Variants in DENND5A observed in about 807,000 individuals in gnomAD.
The protein encoded by DENND5A is DENN domain containing 5A, also known as DENN domain-containing protein 5A.
DENND5A carries 64 observed loss-of-function variants against 140.3 expected under a neutral mutation model. The observed-to-expected ratio is 0.46, with a 90% CI of 0.37 to 0.56. The LOEUF (loss-of-function observed/expected upper bound fraction) is 0.56, where lower values mean the gene tolerates loss of function less well. Ranked by LOEUF, DENND5A falls within the 20% of genes least tolerant of loss-of-function variation. DENND5A has a pLI of 0.00. For synonymous variants in DENND5A, 605 were observed against 607.7 expected (o/e 1.00, Z 0.07); for missense variants, 1,292 against 1,593.8 (o/e 0.81, Z 3.22).
At chr11:9,223,665 G>A (rs1850411023) in intron 1 of DENND5A, among the ~76,000 whole-genome samples, 1 of 152,182 alleles carries the variant, frequency 6.6e-6, no homozygotes, top group African/African-American at 2.4e-5. Flanking sequence ...GCTACGGTGA[G>A]CTATGATCAC....
intron 12 of DENND5A, among the ~76,000 whole-genome samples, chr11:9,154,162 T>C (rs1847726367): frequency 6.6e-6 from 1 of 152,226 alleles, no homozygotes; most frequent in African/African-American, 2.4e-5. Flanking sequence ...CTATGTCAGA[T>C]GTTCAAAATA....
At chr11:9,238,531 AT>A (rs143989804) in intron 1 of DENND5A, among the ~76,000 whole-genome samples, 3,300 of 150,972 alleles carry the variant, frequency 0.022, 114 homozygotes, top group African/African-American at 0.072. Context: ...ATTCTCCTGC[AT>A]CAGCTTCCCG....
intron 10 of DENND5A, among the ~76,000 whole-genome samples, chr11:9,168,573 G>A (rs1848265135): frequency 1.3e-5 from 2 of 152,160 alleles, no homozygotes; most frequent in South Asian, 4.1e-4. Context: ...GAGGAGGTTA[G>A]GTGGAAGACA....
intron 1 of DENND5A, among the ~76,000 whole-genome samples, chr11:9,212,627 G>A (rs1463115893): frequency 6.7e-6 from 1 of 150,026 alleles, no homozygotes; most frequent in Non-Finnish European, 1.5e-5. Flanking sequence ...AACAACACAA[G>A]TACTGAAAAA....
intron 16 of DENND5A, 139 bp downstream of exon 16, chr11:9,146,891 C>G: frequency 1.0e-6 from 1 of 977,424 alleles, no homozygotes; most frequent in South Asian, 1.6e-5. Flanking sequence ...AAGTGCACCT[C>G]TCTCCCCACA....
At chr11:9,142,877 T>C in intron 20 of DENND5A, 32 bp from the exon 21 acceptor site, 1 of 1,610,350 alleles carries the variant, frequency 6.2e-7, no homozygotes, top group Non-Finnish European at 8.5e-7. Flanking sequence ...GGTGCCAGGC[T>C]TGTCTCAGCC....
At chr11:9,209,922 A>G (rs1849818460) in intron 1 of DENND5A, among the ~76,000 whole-genome samples, 1 of 152,154 alleles carries the variant, frequency 6.6e-6, no homozygotes, top group African/African-American at 2.4e-5. Context: ...CCTGGCCAAC[A>G]TGGTGAAACC....
At chr11:9,227,969 C>T (rs192870274) in intron 1 of DENND5A, among the ~76,000 whole-genome samples, 64 of 151,620 alleles carry the variant, frequency 4.2e-4, no homozygotes, top group African/African-American at 1.4e-3. Context: ...AAAAATTAGC[C>T]GGGCATGGTG....
At chr11:9,197,232 G>C (rs1217799204) in intron 4 of DENND5A, among the ~76,000 whole-genome samples, 1 of 151,658 alleles carries the variant, frequency 6.6e-6, no homozygotes, top group Admixed American at 6.6e-5. Flanking sequence ...TTGAACCCGG[G>C]AGGCAGAGGT....
chr11:9,256,118 C>T (rs1404996230), intron 1 of DENND5A, among the ~76,000 whole-genome samples: 3 of 151,332 alleles, frequency 2.0e-5, no homozygotes, highest in Non-Finnish European at 4.4e-5. Flanking sequence ...CATAGGCCTA[C>T]ACACAAAAAA....
chr11:9,231,495 C>T (rs991202851), intron 1 of DENND5A, among the ~76,000 whole-genome samples: 4 of 152,042 alleles, frequency 2.6e-5, no homozygotes, highest in Non-Finnish European at 5.9e-5. Context: ...GCAGGCAGAT[C>T]ACCTGAGGTC....
At chr11:9,201,633 T>C (rs766830867) in intron 4 of DENND5A, among the ~76,000 whole-genome samples, 1 of 152,018 alleles carries the variant, frequency 6.6e-6, no homozygotes, top group Non-Finnish European at 1.5e-5. Flanking sequence ...AGGCACCACT[T>C]AACTCCAACC....
At chr11:9,162,420 G>A (rs1848018440) in intron 11 of DENND5A, among the ~76,000 whole-genome samples, 1 of 151,254 alleles carries the variant, frequency 6.6e-6, no homozygotes, top group South Asian at 2.1e-4. Context: ...TGTATTTTTA[G>A]TAGAGATGGG....
At chr11:9,174,246 A>T (rs927111615) in intron 8 of DENND5A, among the ~76,000 whole-genome samples, 2 of 151,998 alleles carry the variant, frequency 1.3e-5, no homozygotes, top group Admixed American at 6.6e-5. Flanking sequence ...GCTTAAACCC[A>T]GCAATATCAA....
chr11:9,226,196 T>C (rs7943406), intron 1 of DENND5A, among the ~76,000 whole-genome samples: 6,087 of 152,312 alleles, frequency 0.04, 400 homozygotes, highest in African/African-American at 0.14. Context: ...GACTGGAACA[T>C]GTCATGCTGT....
Position 9,204,111 on chromosome 11 carries a change from A to G in DENND5A, c.498T>C (p.Ala166=), listed in dbSNP as rs762178394. Residue 166 remains alanine (A), a synonymous_variant, in exon 4 of 23, where the codon GCT becomes GCC. Coordinates refer to ENST00000328194, the MANE Select transcript of DENND5A (RefSeq NM_015213.4). ...TCTGGTCTCTGTCATCAGCAGGGGG[A>G]GCATGTAGGACATCATACTCAGCAT... is the stretch of plus-strand genomic sequence containing the variant. The part of the protein sequence containing the change: ...MHNAEYDVLH[A]PPADDRDQSS... 1.9e-6 allele frequency: 3 copies of G among 1,613,932 alleles called. No individual in the cohort carries two copies. The highest frequency in any genetic ancestry group is 4.5e-5 in the East Asian group (2 of 44,870).
chr11:9,177,492 A>C (rs1292282310), intron 8 of DENND5A, among the ~76,000 whole-genome samples: 1 of 150,816 alleles, frequency 6.6e-6, no homozygotes, highest in South Asian at 2.1e-4. Flanking sequence ...CCACAAAAAA[A>C]AAAAATTTTT....
At chr11:9,171,664 C>A (rs1271325470) in intron 8 of DENND5A, 1 of 147,366 alleles carries the variant, frequency 6.8e-6, no homozygotes, top group Admixed American at 6.9e-5. Flanking sequence ...ACTTCAAGAC[C>A]AGCCTGGGCA....
At chr11:9,196,516 G>C (rs1436148975) in intron 4 of DENND5A, among the ~76,000 whole-genome samples, 1 of 152,176 alleles carries the variant, frequency 6.6e-6, no homozygotes, top group Non-Finnish European at 1.5e-5. Context: ...TGCAGAGGCA[G>C]AAGTTACACA....
Sources: allele counts gnomAD v4.1 joint callset (sites outside exome capture counted in the v4.1 genomes callset), GRCh38; gene constraint gnomAD v4.1.1; transcripts MANE v1.5; gene names NCBI Gene and HGNC (gene_info 2026-07-23, HGNC 2026-07-21).